Variants in CLTCL1 observed in about 807,000 individuals in gnomAD.
The protein encoded by CLTCL1 is clathrin heavy chain 2.
A neutral mutation model predicts 190.0 loss-of-function variants in CLTCL1; 159 were observed. That is an observed-to-expected ratio of 0.84 (90% confidence interval 0.74 to 0.95). CLTCL1 has a LOEUF of 0.95. CLTCL1 is among the 40% of genes least tolerant of loss of function. The pLI is 0.00. For missense variants in CLTCL1, 1,878 were observed against 2,033.4 expected, an observed-to-expected ratio of 0.92 and a Z score of 1.47; for synonymous variants, 752 against 769.6, an observed-to-expected ratio of 0.98 and a Z score of 0.38.
At chr22:19,269,340 C>T (rs2087227105) in intron 2 of CLTCL1, among the ~76,000 whole-genome samples, 1 of 151,972 alleles carries the variant, frequency 6.6e-6, no homozygotes, top group Non-Finnish European at 1.5e-5. Context: ...GCAGAGGTTA[C>T]AGTGAGCCAA....
At chr22:19,209,313 C>A in intron 20 of CLTCL1, 199 bp from the exon 21 acceptor site, 1 of 481,638 alleles carries the variant, frequency 2.1e-6, no homozygotes, top group Non-Finnish European at 3.7e-6. Flanking sequence ...AGGGGGATGC[C>A]GAACAAAGAA....
At chr22:19,283,991 CAAAAAAA>C (rs1221211147) in intron 1 of CLTCL1, among the ~76,000 whole-genome samples, 6 of 62,454 alleles carry the variant, frequency 9.6e-5, no homozygotes, top group African/African-American at 1.8e-4. Context: ...GACCCTGTCT[CAAAAAAA>C]AAAAAAAAAA....
At chr22:19,186,123 C>T (rs782333167) in intron 29 of CLTCL1, among the ~76,000 whole-genome samples, 3 of 152,130 alleles carry the variant, frequency 2.0e-5, no homozygotes, top group Non-Finnish European at 2.9e-5. Context: ...CAGCCGCAGA[C>T]CAGGAGCCAT....
chr22:19,280,690 G>A (rs1555986063), intron 1 of CLTCL1, among the ~76,000 whole-genome samples: 3 of 151,434 alleles, frequency 2.0e-5, no homozygotes, highest in Non-Finnish European at 4.4e-5. Flanking sequence ...ATAGTGGCGG[G>A]CGCCTGTAAT....
At chr22:19,196,749 G>T in intron 24 of CLTCL1, 93 bp from the exon 25 acceptor site, 1 of 1,402,506 alleles carries the variant, frequency 7.1e-7, no homozygotes, top group Non-Finnish European at 9.7e-7. Flanking sequence ...GACTGTGCTT[G>T]TGACTGGGAA....
At chr22:19,239,228 A>G (rs1555963849) in intron 5 of CLTCL1, 47 bp downstream of exon 5, 1 of 1,415,276 alleles carries the variant, frequency 7.1e-7, no homozygotes, top group Admixed American at 1.7e-5. Context: ...GAGGTGCTAG[A>G]GTAGATTTTA....
At chr22:19,248,060 G>A (rs1555968622) in intron 3 of CLTCL1, among the ~76,000 whole-genome samples, 2 of 151,590 alleles carry the variant, frequency 1.3e-5, no homozygotes, top group African/African-American at 2.4e-5. Flanking sequence ...ACTTTGGGAG[G>A]CCGAGGCAGG....
chr22:19,240,053 A>G (rs2145932674), intron 4 of CLTCL1, among the ~76,000 whole-genome samples: 2 of 150,480 alleles, frequency 1.3e-5, no homozygotes, highest in South Asian at 4.2e-4. Flanking sequence ...GGTTCAAGCG[A>G]TTCTCGTGCC....
chr22:19,240,181 C>T (rs2086207893), intron 4 of CLTCL1, among the ~76,000 whole-genome samples: 2 of 151,828 alleles, frequency 1.3e-5, no homozygotes, highest in South Asian at 4.1e-4. Context: ...GTCTCAAACT[C>T]CCGACCCCAC....
intron 21 of CLTCL1, among the ~76,000 whole-genome samples, 178 bp from the exon 22 acceptor site, chr22:19,208,489 C>A (rs577349019): frequency 3.3e-5 from 5 of 152,094 alleles, no homozygotes; most frequent in African/African-American, 1.2e-4. Context: ...AGATCCATAG[C>A]TCAGAAGGGA....
intron 9 of CLTCL1, 87 bp from the exon 10 acceptor site, chr22:19,232,685 C>G: frequency 6.7e-7 from 1 of 1,488,298 alleles, no homozygotes; most frequent in Non-Finnish European, 9.0e-7. Flanking sequence ...GTTTTAAACT[C>G]GTGTTAACAA....
chr22:19,208,545 G>T (rs1223211387), intron 21 of CLTCL1, among the ~76,000 whole-genome samples: 1 of 152,150 alleles, frequency 6.6e-6, no homozygotes, highest in Non-Finnish European at 1.5e-5. Context: ...CCTTAGAAAA[G>T]ACTTTGCCAG....
chr22:19,272,977 C>T lies in CLTCL1; in HGVS notation c.250+2646G>A, dbSNP rs1326651950. 2.6e-5 allele frequency among the ~76,000 whole-genome samples: 4 copies of T among 152,238 alleles called. No homozygotes were observed. The East Asian group carries it at 5.8e-4, about 22-fold the overall frequency. Reference sequence around the variant, plus strand: ...AAAGGGAGGTCCGAGAGCTGCTTCACGAGCCCCTTTCCAATCACAAAACTT... The same window carrying T: ...AAAGGGAGGTCCGAGAGCTGCTTCATGAGCCCCTTTCCAATCACAAAACTT... On this transcript the variant is annotated intron_variant, in intron 2 of 32. Transcript: ENST00000427926.
chr22:19,253,123 C>CT (rs1378843897), intron 3 of CLTCL1, among the ~76,000 whole-genome samples: 2 of 151,598 alleles, frequency 1.3e-5, no homozygotes, highest in South Asian at 2.1e-4. Context: ...AGAACTACTT[C>CT]TTTTTTTTCC....
chr22:19,274,477 A>G (rs1439018197), intron 2 of CLTCL1, among the ~76,000 whole-genome samples: 2 of 152,196 alleles, frequency 1.3e-5, no homozygotes, highest in African/African-American at 4.8e-5. Context: ...TGCTTACACT[A>G]TATGTTCAAA....
chr22:19,223,753 G>C (rs1012677005), intron 14 of CLTCL1, 138 bp downstream of exon 14: 4 of 907,136 alleles, frequency 4.4e-6, no homozygotes, highest in African/African-American at 1.7e-5. Context: ...AAGCCATAAA[G>C]TGGAGCTCTG....
intron 18 of CLTCL1, among the ~76,000 whole-genome samples, chr22:19,219,589 T>C (rs542617515): frequency 3.9e-5 from 6 of 152,228 alleles, no homozygotes; most frequent in Admixed American, 6.5e-5. Context: ...GTTCAAGCAA[T>C]TCTCCTGCCT....
rs1260563242 is a variant in CLTCL1, at chr22:19,262,802, C to T, written c.251-8575G>A. 4.6e-5 allele frequency among the ~76,000 whole-genome samples: 7 copies of T among 151,504 alleles called. 1 individual carries two copies. Among genetic ancestry groups the T allele is most frequent in the South Asian group, 4.2e-4 (2 of 4,796 alleles). ...TCCCAGCACTTTGGGAGGCTGAGGC[C>T]GGCAGATCACTTGAGGTCAGGAGTT... is the stretch of plus-strand genomic sequence containing the variant. On this transcript the variant is annotated intron_variant, in intron 2 of 32. Coordinates refer to ENST00000427926, the MANE Select transcript of CLTCL1 (RefSeq NM_007098.4).
intron 26 of CLTCL1, among the ~76,000 whole-genome samples, chr22:19,195,208 G>A (rs782702267): frequency 5.5e-4 from 83 of 152,182 alleles, no homozygotes; most frequent in Non-Finnish European, 9.4e-4. Context: ...GCAGCCACGT[G>A]TGCCAGGCCA....
Sources: allele counts gnomAD v4.1 joint callset (sites outside exome capture counted in the v4.1 genomes callset), GRCh38; gene constraint gnomAD v4.1.1; transcripts MANE v1.5; gene names NCBI Gene and HGNC (gene_info 2026-07-23, HGNC 2026-07-21).